The following CDH18 variants were observed in gnomAD, a reference collection of about 807,000 sequenced individuals.
The protein encoded by CDH18 is cadherin 18.
A neutral mutation model predicts 67.9 loss-of-function variants in CDH18; 31 were observed. The observed-to-expected ratio is 0.46, with a 90% CI of 0.34 to 0.62. The LOEUF is 0.62. CDH18 is among the 20% of genes least tolerant of loss of function. The pLI, the probability that CDH18 is intolerant of heterozygous loss-of-function variation, is 0.01. For missense variants in CDH18, 890 were observed against 975.5 expected (o/e 0.91, Z 1.17); for synonymous variants, 362 against 347.2 (o/e 1.04, Z -0.48).
chr5:19,768,277 A>G (rs1441901840), intron 3 of CDH18, among the ~76,000 whole-genome samples: 1 of 152,192 alleles, frequency 6.6e-6, no homozygotes, highest in African/African-American at 2.4e-5. Context: ...GAAATGGTGA[A>G]TAACAAAACA....
chr5:19,502,096 C>T (rs780845644), intron 11 of CDH18, among the ~76,000 whole-genome samples: 13 of 152,236 alleles, frequency 8.5e-5, no homozygotes, highest in Non-Finnish European at 1.6e-4. Context: ...GGGAAAAATG[C>T]TTTTGGCAGG....
intron 1 of CDH18, among the ~76,000 whole-genome samples, chr5:20,487,581 T>C (rs1753281727): frequency 6.6e-6 from 1 of 151,154 alleles, no homozygotes; most frequent in East Asian, 1.9e-4. Flanking sequence ...AATTTCCACA[T>C]TTGGGGGTTT....
intron 10 of CDH18, among the ~76,000 whole-genome samples, chr5:19,507,845 T>G (rs1238414181): frequency 6.6e-6 from 1 of 152,034 alleles, no homozygotes; most frequent in African/African-American, 2.4e-5. Flanking sequence ...ACATGGCACA[T>G]GTATACATAT....
At chr5:20,344,941 T>C (rs564213630) in intron 1 of CDH18, among the ~76,000 whole-genome samples, 1 of 152,334 alleles carries the variant, frequency 6.6e-6, no homozygotes, top group East Asian at 1.9e-4. Context: ...CTAACTTGCA[T>C]AGTTAAACCT....
intron 2 of CDH18, among the ~76,000 whole-genome samples, chr5:19,920,445 C>T (rs7734813): frequency 0.55 from 82,390 of 151,062 alleles, 22,584 homozygotes; most frequent in East Asian, 0.73. Flanking sequence ...ACCAATTATC[C>T]GATTTGCATT....
chr5:20,064,698 G>A (rs1019197090), intron 2 of CDH18, among the ~76,000 whole-genome samples: 3 of 151,938 alleles, frequency 2.0e-5, no homozygotes, highest in East Asian at 3.9e-4. Context: ...ATTAAACGCC[G>A]ATTCTCGGTT....
At chr5:20,183,355 A>G (rs1737848955) in intron 2 of CDH18, among the ~76,000 whole-genome samples, 2 of 152,098 alleles carry the variant, frequency 1.3e-5, no homozygotes, top group Admixed American at 1.3e-4. Flanking sequence ...ATTTACCAGA[A>G]TAATGGGCTA....
intron 3 of CDH18, among the ~76,000 whole-genome samples, chr5:19,799,886 A>C (rs906711699): frequency 1.3e-5 from 2 of 152,172 alleles, no homozygotes; most frequent in Non-Finnish European, 2.9e-5. Flanking sequence ...AGATACATTC[A>C]TCTTTATGTG....
chr5:19,633,723 A>G (rs1435408436), intron 5 of CDH18, among the ~76,000 whole-genome samples: 1 of 151,896 alleles, frequency 6.6e-6, no homozygotes, highest in Non-Finnish European at 1.5e-5. Flanking sequence ...TCTGCCTCCC[A>G]GGCTCAAGCG....
intron 2 of CDH18, among the ~76,000 whole-genome samples, chr5:20,221,910 C>G (rs551852517): frequency 1.3e-5 from 2 of 152,234 alleles, no homozygotes; most frequent in African/African-American, 4.8e-5. Flanking sequence ...ATTCTTTCTT[C>G]CTTTTGCAGG....
intron 5 of CDH18, among the ~76,000 whole-genome samples, chr5:19,710,622 G>T (rs1376946111): frequency 6.6e-6 from 1 of 151,970 alleles, no homozygotes; most frequent in African/African-American, 2.4e-5. Context: ...TTACAAAATT[G>T]ATAGAAGTAG....
chr5:19,960,640 C>CAT (rs1341655124), intron 2 of CDH18, among the ~76,000 whole-genome samples: 4 of 95,762 alleles, frequency 4.2e-5, no homozygotes, highest in Non-Finnish European at 7.3e-5. Context: ...TATATGTATA[C>CAT]ATATACACGT....
At chr5:19,619,627 C>T (rs1750387331) in intron 5 of CDH18, among the ~76,000 whole-genome samples, 1 of 152,188 alleles carries the variant, frequency 6.6e-6, no homozygotes. Context: ...ATACACCTTA[C>T]ATTTAAAGGT....
At chr5:19,968,677 T>C (rs1797719694) in intron 2 of CDH18, among the ~76,000 whole-genome samples, 1 of 143,852 alleles carries the variant, frequency 7.0e-6, no homozygotes. Flanking sequence ...CCTTACACCT[T>C]ATATAAAAAT....
intron 3 of CDH18, among the ~76,000 whole-genome samples, chr5:19,777,192 A>C (rs1018484541): frequency 2.6e-5 from 4 of 152,200 alleles, no homozygotes; most frequent in Non-Finnish European, 4.4e-5. Context: ...AGGCACAAGA[A>C]TTGCTTGAAC....
At position 19,982,727 on chromosome 5, in the gene CDH18, T is replaced by C. The variant is rs1402507494; in HGVS notation, c.-375-1549A>G. On this transcript the variant is annotated intron_variant, in intron 1 of 12. Coordinates refer to ENST00000382275, the MANE Select transcript of CDH18 (RefSeq NM_004934.5). ...AAGTTTTATCATAACTGTGTCAACA[T>C]TGGTTTCAGAAATTCTTTTAAATAT... Among the ~76,000 whole-genome samples, 7 of 152,228 alleles carry C rather than the reference T, an allele frequency of 4.6e-5. No individual in the cohort carries two copies. In the East Asian group the frequency reaches 5.8e-4, roughly 13 times the overall value.
intron 4 of CDH18, among the ~76,000 whole-genome samples, chr5:19,723,209 C>T (rs1766342076): frequency 6.6e-6 from 1 of 151,854 alleles, no homozygotes; most frequent in East Asian, 1.9e-4. Flanking sequence ...GTGGAGGCTG[C>T]AGTGAGCCGA....
intron 2 of CDH18, among the ~76,000 whole-genome samples, chr5:19,995,828 T>G (rs892855339): frequency 6.6e-6 from 1 of 152,010 alleles, no homozygotes; most frequent in East Asian, 1.9e-4. Flanking sequence ...AAAGAGAAAC[T>G]ACACCTTCCA....
chr5:19,940,027 T>C (rs1176637024), intron 2 of CDH18, among the ~76,000 whole-genome samples: 1 of 151,850 alleles, frequency 6.6e-6, no homozygotes, highest in East Asian at 1.9e-4. Flanking sequence ...CAAGAAAAGC[T>C]GAATGTTTTC....
Sources: gnomAD v4.1 joint callset for allele counts (sites outside exome capture counted in the v4.1 genomes callset) on GRCh38, gnomAD v4.1.1 for gene constraint, MANE v1.5 for transcripts, NCBI Gene and HGNC (gene_info 2026-07-23, HGNC 2026-07-21) for gene names.